The following PCDHGA5 variants were observed in gnomAD, a reference collection of about 807,000 sequenced individuals.
PCDHGA5 encodes the protein protocadherin gamma subfamily A, 5.
In PCDHGA5, 36 loss-of-function variants were observed where a neutral mutation model predicts 56.7. The ratio of observed to expected loss-of-function variants is 0.64; its 90% CI spans 0.49 to 0.84. The LOEUF is 0.84. Among genes scored for constraint, PCDHGA5 ranks in the 40% least tolerant of loss-of-function variants. The pLI, the probability that PCDHGA5 is intolerant of heterozygous loss-of-function variation, is 0.00. For synonymous variants in PCDHGA5, 563 were observed against 520.2 expected (o/e 1.08, Z -1.12); for missense variants, 1,305 against 1,201.5 (o/e 1.09, Z -1.27).
In PCDHGA5 at chr5:141,426,211, G is replaced by A. The variant is rs184669298; in HGVS notation, c.2421+59460G>A. On this transcript the variant is annotated intron_variant, in intron 1 of 3. Coordinates refer to ENST00000518069, the MANE Select transcript of PCDHGA5 (RefSeq NM_018918.3). ...TGGGAGCATTGAGTTTTCTATGTAT[G>A]GAAGTAAATATTTTAAAAGCACTTT... The A allele has an allele frequency of 7.7e-4, 121 of 157,870 alleles. 1 individual carries two copies. The highest frequency in any genetic ancestry group is 7.4e-4 in the South Asian group (4 of 5,398). 9.8% of individuals were successfully genotyped at this position (157,870 alleles called of 1,614,324 possible). A position where few individuals can be genotyped will look rare whatever the true frequency, so the allele number is the denominator to read the frequency against.
intron 1 of PCDHGA5, chr5:141,414,081 T>G: frequency 6.2e-7 from 1 of 1,601,774 alleles, no homozygotes; most frequent in Non-Finnish European, 8.5e-7. Context: ...ACAAATATAC[T>G]GGAGAAATAA....
intron 1 of PCDHGA5, chr5:141,389,915 C>T (rs371220204): frequency 2.2e-5 from 36 of 1,613,944 alleles, no homozygotes; most frequent in Non-Finnish European, 4.2e-6. Context: ...CTGACCGCCC[C>T]GACCCCTCTG....
At position 141,384,236 on chromosome 5, in the gene PCDHGA5, A is replaced by G. The variant is rs199759698; in HGVS notation, c.2421+17485A>G. On this transcript the variant is annotated intron_variant, in intron 1 of 3. Transcript: ENST00000518069. ...ATATTCATGCAGGTGGCAGACACCA[A>G]CGATAACCCACCCACCTTCCCCCAC... The G allele has an allele frequency of 1.1e-4, 176 of 1,613,768 alleles. No homozygotes were observed. The highest frequency in any genetic ancestry group is 1.5e-4 in the Non-Finnish European group (172 of 1,179,900).
At chr5:141,470,628 G>T (rs1475199767) in intron 1 of PCDHGA5, among the ~76,000 whole-genome samples, 12 of 152,146 alleles carry the variant, frequency 7.9e-5, no homozygotes, top group Admixed American at 7.9e-4. Flanking sequence ...GCTTAGATAG[G>T]CCCCCTTGCT....
intron 1 of PCDHGA5, chr5:141,407,920 C>T: frequency 2.1e-6 from 1 of 475,788 alleles, no homozygotes; most frequent in Non-Finnish European, 3.6e-6. Context: ...GCTGCTGTCC[C>T]GCACGGAGCC....
intron 1 of PCDHGA5, chr5:141,440,744 A>C (rs2098197850): frequency 6.6e-6 from 1 of 152,194 alleles, no homozygotes; most frequent in Non-Finnish European, 1.5e-5. Context: ...CTGCTTGACT[A>C]GGAAAAGCAG....
rs1018097924 is a variant in PCDHGA5 at position 141,413,435 on chromosome 5, G to C, written c.2421+46684G>C. Reference sequence around the variant, plus strand: ...TTCTCTCTGAACCCGCGCAGCGGCAGCTTGATCACCGCGGGCAGGATAGAC... The same window carrying C: ...TTCTCTCTGAACCCGCGCAGCGGCACCTTGATCACCGCGGGCAGGATAGAC... On this transcript the variant is annotated intron_variant, in intron 1 of 3. Transcript: ENST00000518069. The C allele has an allele frequency of 6.2e-6, 10 of 1,614,004 alleles. No homozygotes were observed. The Admixed American group carries it at 1.7e-4, about 27-fold the overall frequency.
chr5:141,437,820 C>T (rs973577605), intron 1 of PCDHGA5, among the ~76,000 whole-genome samples: 4 of 151,904 alleles, frequency 2.6e-5, no homozygotes, highest in Non-Finnish European at 5.9e-5. Flanking sequence ...TCACTGCAAC[C>T]TCTGCCTCCT....
intron 1 of PCDHGA5, chr5:141,403,422 C>T (rs749764130): frequency 6.2e-7 from 1 of 1,613,912 alleles, no homozygotes; most frequent in Admixed American, 1.7e-5. Flanking sequence ...CTTCCAGAAG[C>T]TATTGATCCG....
intron 1 of PCDHGA5, chr5:141,410,374 G>A: frequency 6.2e-7 from 1 of 1,613,976 alleles, no homozygotes; most frequent in Non-Finnish European, 8.5e-7. Flanking sequence ...CTGCTACTTG[G>A]GACTGCTTCC....
chr5:141,399,311 A>G, intron 1 of PCDHGA5: 1 of 1,613,970 alleles, frequency 6.2e-7, no homozygotes, highest in Non-Finnish European at 8.5e-7. Flanking sequence ...TCTTCATCCA[A>G]AAATTCGTAT....
chr5:141,490,288 G>A lies in PCDHGA5; in HGVS notation c.2422-4519G>A. On this transcript the variant is annotated intron_variant, in intron 1 of 3. Coordinates refer to ENST00000518069, the MANE Select transcript of PCDHGA5 (RefSeq NM_018918.3). The surrounding 1 kb of genome is among the most constrained non-coding windows in gnomAD (Gnocchi z 5.4). ...GGATGTCAATGACAATGCCCCAGAG[G>A]TGCTATTGGCCTCTTTGGCCAACCC... The A allele has an allele frequency of 3.7e-6, 6 of 1,614,198 alleles. No individual in the cohort carries two copies. The highest frequency in any genetic ancestry group is 5.1e-6 in the Non-Finnish European group (6 of 1,180,042).
chr5:141,506,262 A>G (rs1395369571), intron 3 of PCDHGA5, among the ~76,000 whole-genome samples: 1 of 152,046 alleles, frequency 6.6e-6, no homozygotes, highest in Admixed American at 6.6e-5. Context: ...CGGCCTGGCC[A>G]ACATAGTGAA....
chr5:141,500,277 C>T (rs1595660442), intron 2 of PCDHGA5, among the ~76,000 whole-genome samples: 1 of 151,718 alleles, frequency 6.6e-6, no homozygotes, highest in Non-Finnish European at 1.5e-5. Context: ...GGCGCAATCT[C>T]GGCTCACTGC....
intron 1 of PCDHGA5, chr5:141,413,123 A>T: frequency 6.5e-7 from 1 of 1,526,818 alleles, no homozygotes. Flanking sequence ...GAACCGGTTG[A>T]AACACACAAC....
At chr5:141,390,029 C>A in intron 1 of PCDHGA5, 1 of 1,614,086 alleles carries the variant, frequency 6.2e-7, no homozygotes, top group Non-Finnish European at 8.5e-7. Flanking sequence ...GCCTGCGACG[C>A]TCCTCCAGCC....
chr5:141,495,529 C>T (rs1466269939), intron 2 of PCDHGA5, among the ~76,000 whole-genome samples: 1 of 152,210 alleles, frequency 6.6e-6, no homozygotes, highest in African/African-American at 2.4e-5. Flanking sequence ...ACCTCTCAGT[C>T]CTTCCCTCAG....
rs574950493 is a variant in PCDHGA5 at position 141,375,596 on chromosome 5, G to A, written c.2421+8845G>A. 12 of 1,613,990 alleles carry A rather than the reference G, an allele frequency of 7.4e-6. No individual in the cohort carries two copies. The Admixed American group carries it at 1.2e-4, about 16-fold the overall frequency. On this transcript the variant is annotated intron_variant, in intron 1 of 3. Coordinates refer to ENST00000518069, the MANE Select transcript of PCDHGA5 (RefSeq NM_018918.3). ...CCAGGGGGCGCCCCTGTCCTCCTAC[G>A]TGTCCATCAACTCCGACACTGGGAT...
intron 1 of PCDHGA5, chr5:141,370,661 T>C (rs2149968382): frequency 6.2e-7 from 1 of 1,613,892 alleles, no homozygotes; most frequent in African/African-American, 1.3e-5. Flanking sequence ...TGAGCGACCG[T>C]ATAGACCGAG....
Sources: gnomAD v4.1 joint callset for allele counts (sites outside exome capture counted in the v4.1 genomes callset) on GRCh38, gnomAD v4.1.1 for gene constraint, Gnocchi (gnomAD v3.1) non-coding constraint, MANE v1.5 for transcripts, NCBI Gene and HGNC (gene_info 2026-07-23, HGNC 2026-07-21) for gene names.